The following CNTN6 variants were observed in gnomAD, a reference collection of about 807,000 sequenced individuals.
CNTN6 encodes the protein contactin 6, also known as contactin-6.
A neutral mutation model predicts 122.8 loss-of-function variants in CNTN6; 137 were observed. The ratio of observed to expected loss-of-function variants is 1.12; its 90% CI spans 0.97 to 1.29. CNTN6 has a LOEUF of 1.29. Among genes scored for constraint, CNTN6 ranks in the 50% most tolerant of loss-of-function variants. The pLI, the probability that CNTN6 is intolerant of heterozygous loss-of-function variation, is 0.00. For synonymous variants in CNTN6, 570 were observed against 426.0 expected (o/e 1.34, Z -4.16); for missense variants, 1,634 against 1,223.4 (o/e 1.34, Z -5.01).
At chr3:1,325,433 G>C (rs992922622) in intron 8 of CNTN6, among the ~76,000 whole-genome samples, 16 of 151,842 alleles carry the variant, frequency 1.1e-4, no homozygotes, top group African/African-American at 3.9e-4. Flanking sequence ...TATAATCAGT[G>C]AACTTTCAGA....
At position 1,403,433 on chromosome 3, in the gene CNTN6, A is replaced by T; in HGVS notation, c.*15A>T. 1.3e-6 allele frequency: 2 copies of T among 1,540,784 alleles called. No homozygotes were observed. The highest frequency in any genetic ancestry group is 1.8e-6 in the Non-Finnish European group (2 of 1,115,274). ...CACTTATCTGATGAATAAAACCATA[A>T]ATCTTTGAGAGTTTTTTGAAAGCAA... On this transcript the variant is annotated 3_prime_UTR_variant, in exon 23 of 23. Transcript: ENST00000446702.
At chr3:1,288,876 A>C (rs1245143077) in intron 5 of CNTN6, among the ~76,000 whole-genome samples, 3 of 152,238 alleles carry the variant, frequency 2.0e-5, no homozygotes, top group Non-Finnish European at 4.4e-5. Context: ...AGAGAGCAGC[A>C]GATAGAGTCT....
chr3:1,401,841 T>A (rs779975285), intron 21 of CNTN6, among the ~76,000 whole-genome samples: 1 of 152,018 alleles, frequency 6.6e-6, no homozygotes, highest in Non-Finnish European at 1.5e-5. Context: ...GTAGATGTGA[T>A]GACAATGAGA....
intron 11 of CNTN6, among the ~76,000 whole-genome samples, chr3:1,339,294 C>G (rs1019868119): frequency 1.3e-5 from 2 of 152,224 alleles, no homozygotes; most frequent in Non-Finnish European, 2.9e-5. Flanking sequence ...TCCCCTAGCT[C>G]TCCAAGGAGC....
intron 12 of CNTN6, among the ~76,000 whole-genome samples, chr3:1,369,719 A>C (rs1435986322): frequency 1.3e-5 from 2 of 152,086 alleles, no homozygotes; most frequent in Non-Finnish European, 2.9e-5. Context: ...CTCTGTCAAC[A>C]CATCCAGTTA....
chr3:1,300,784 A>C (rs1697244160), intron 7 of CNTN6, among the ~76,000 whole-genome samples: 2 of 151,986 alleles, frequency 1.3e-5, no homozygotes, highest in South Asian at 4.2e-4. Context: ...CCTGTGCTAC[A>C]TTCCCTTTCT....
chr3:1,149,779 TA>T (rs1004855379), intron 2 of CNTN6, among the ~76,000 whole-genome samples: 21 of 152,280 alleles, frequency 1.4e-4, no homozygotes, highest in African/African-American at 4.8e-4. Context: ...TTCCTACCCT[TA>T]AGTTTCATCT....
chr3:1,291,547 C>G (rs914191723), intron 5 of CNTN6, among the ~76,000 whole-genome samples: 1 of 152,158 alleles, frequency 6.6e-6, no homozygotes. Context: ...GAATAAGGAT[C>G]CGTAAGCTGA....
At chr3:1,292,429 C>T (rs146023902) in intron 5 of CNTN6, among the ~76,000 whole-genome samples, 58 of 152,098 alleles carry the variant, frequency 3.8e-4, no homozygotes, top group African/African-American at 1.3e-3. Flanking sequence ...ATGGGTGCTC[C>T]GAACAAAATA....
chr3:1,143,430 T>C (rs2092657886), intron 1 of CNTN6, among the ~76,000 whole-genome samples: 1 of 152,134 alleles, frequency 6.6e-6, no homozygotes, highest in Non-Finnish European at 1.5e-5. Flanking sequence ...TTCTAGAAGT[T>C]TCTTTAAGTT....
rs186807291 is a variant in CNTN6 at position 1,254,531 on chromosome 3, T to C, written c.359-23882T>C. Among the ~76,000 whole-genome samples, 783 of 152,300 alleles carry C rather than the reference T, an allele frequency of 5.1e-3. 4 individuals are homozygous for C. The highest frequency in any genetic ancestry group is 0.02 in the Middle Eastern group (6 of 294). On this transcript the variant is annotated intron_variant, in intron 4 of 22. Coordinates refer to ENST00000446702, the MANE Select transcript of CNTN6 (RefSeq NM_001289080.2). ...TATCCATCAATTTCACTTATTTTTA[T>C]TGAGCTATTATCATGTGTCAGACTC...
intron 2 of CNTN6, among the ~76,000 whole-genome samples, chr3:1,201,367 T>C (rs746971190): frequency 3.3e-5 from 5 of 152,152 alleles, no homozygotes; most frequent in Non-Finnish European, 7.3e-5. Context: ...GGTTTTAAAT[T>C]CTACCCTCCA....
At chr3:1,328,250 A>G (rs377059757) in intron 10 of CNTN6, among the ~76,000 whole-genome samples, 2 of 152,010 alleles carry the variant, frequency 1.3e-5, no homozygotes, top group Admixed American at 1.3e-4. Context: ...ATAAGTCCCT[A>G]TAGTGAAAAG....
chr3:1,388,494 A>G (rs529875492), intron 20 of CNTN6, among the ~76,000 whole-genome samples: 20 of 151,782 alleles, frequency 1.3e-4, no homozygotes, highest in African/African-American at 2.9e-4. Context: ...GAAACTCTAA[A>G]ACGCAGAGCG....
chr3:1,339,869 T>G (rs1222070169), intron 11 of CNTN6, among the ~76,000 whole-genome samples: 1 of 152,176 alleles, frequency 6.6e-6, no homozygotes, highest in Non-Finnish European at 1.5e-5. Context: ...TATATTTTAA[T>G]TCTATCTCCA....
At chr3:1,377,172 A>G (rs1434987076) in intron 17 of CNTN6, 97 bp downstream of exon 17, 2 of 783,076 alleles carry the variant, frequency 2.6e-6, no homozygotes, top group Non-Finnish European at 4.1e-6. Context: ...CACTATTGAG[A>G]GCGTAAAAAA....
intron 2 of CNTN6, among the ~76,000 whole-genome samples, chr3:1,218,407 G>C (rs1459388898): frequency 6.6e-6 from 1 of 152,102 alleles, no homozygotes; most frequent in Non-Finnish European, 1.5e-5. Flanking sequence ...GTCAGAGCCC[G>C]AGTGGGGTGA....
intron 2 of CNTN6, among the ~76,000 whole-genome samples, chr3:1,188,798 T>C (rs1229644652): frequency 6.6e-6 from 1 of 152,252 alleles, no homozygotes; most frequent in African/African-American, 2.4e-5. Flanking sequence ...AGTAATATGA[T>C]ATGAAATTGT....
intron 7 of CNTN6, among the ~76,000 whole-genome samples, chr3:1,312,614 CAAAAAA>C (rs5846106): frequency 2.2e-5 from 3 of 137,908 alleles, no homozygotes; most frequent in African/African-American, 5.1e-5. Context: ...GCCTCTTATA[CAAAAAA>C]AAAAAAAAAA....
Sources: gnomAD v4.1 joint callset for allele counts (sites outside exome capture counted in the v4.1 genomes callset) on GRCh38, gnomAD v4.1.1 for gene constraint, MANE v1.5 for transcripts, NCBI Gene and HGNC (gene_info 2026-07-23, HGNC 2026-07-21) for gene names.